Variants in ATXN7 observed in about 807,000 individuals in gnomAD.
The protein encoded by ATXN7 is ataxin 7, also known as ataxin-7.
A neutral mutation model predicts 70.5 loss-of-function variants in ATXN7; 12 were observed. The ratio of observed to expected loss-of-function variants is 0.17; its 90% CI spans 0.11 to 0.28. The LOEUF (loss-of-function observed/expected upper bound fraction) is 0.28. Ranked by LOEUF, ATXN7 falls within the 10% of genes least tolerant of loss-of-function variation. The pLI is 1.00. For missense variants in ATXN7, 1,256 were observed against 1,131.7 expected, an observed-to-expected ratio of 1.11 and a Z score of -1.58; for synonymous variants, 498 against 448.7, an observed-to-expected ratio of 1.11 and a Z score of -1.39.
Position 63,875,579 on chromosome 3 carries a change from C to T in ATXN7, c.-111+11421C>T, listed in dbSNP as rs183625061. Among the ~76,000 whole-genome samples the T allele has an allele frequency of 8.5e-5, 13 of 152,294 alleles. No individual in the cohort carries two copies. In the East Asian group the frequency reaches 2.5e-3, roughly 29 times the overall value. ...AGCTGATTTACCCCATCTCTTCTTG[C>T]CACAATTAGCTGGGTTTGAAGTACC... On this transcript the variant is annotated intron_variant, in intron 1 of 12. Coordinates refer to ENST00000674280, the MANE Select transcript of ATXN7 (RefSeq NM_001377405.1).
At chr3:63,944,871 A>C (rs1470402658) in intron 4 of ATXN7, among the ~76,000 whole-genome samples, 1 of 152,144 alleles carries the variant, frequency 6.6e-6, no homozygotes, top group Non-Finnish European at 1.5e-5. Flanking sequence ...AGCTCACTGC[A>C]ACCTTTGCCT....
intron 2 of ATXN7, among the ~76,000 whole-genome samples, chr3:63,908,892 C>T (rs1326819191): frequency 6.6e-6 from 1 of 152,120 alleles, no homozygotes; most frequent in East Asian, 1.9e-4. Flanking sequence ...TTAAATATGT[C>T]CTTGGAAGGG....
intron 4 of ATXN7, among the ~76,000 whole-genome samples, chr3:63,939,822 A>G (rs766285989): frequency 6.6e-6 from 1 of 152,142 alleles, no homozygotes; most frequent in Non-Finnish European, 1.5e-5. Flanking sequence ...AGGGGACAGA[A>G]TGGGTTTGGA....
chr3:63,977,593 G>C (rs2075409596), intron 5 of ATXN7, among the ~76,000 whole-genome samples: 1 of 152,124 alleles, frequency 6.6e-6, no homozygotes, highest in Non-Finnish European at 1.5e-5. Flanking sequence ...CTGTTTCACA[G>C]ATACTATTGT....
intron 1 of ATXN7, among the ~76,000 whole-genome samples, chr3:63,868,264 G>A (rs1417621652): frequency 6.6e-6 from 1 of 152,184 alleles, no homozygotes; most frequent in Non-Finnish European, 1.5e-5. Flanking sequence ...AGTCAAAATA[G>A]ACTTAAAATT....
At chr3:63,896,336 A>G (rs973356034) in intron 1 of ATXN7, among the ~76,000 whole-genome samples, 1 of 149,042 alleles carries the variant, frequency 6.7e-6, no homozygotes, top group African/African-American at 2.4e-5. Context: ...TAGTTGTTGC[A>G]TGAATAAAAG....
intron 4 of ATXN7, among the ~76,000 whole-genome samples, chr3:63,913,671 A>C (rs1047029059): frequency 1.3e-5 from 2 of 152,218 alleles, no homozygotes; most frequent in African/African-American, 4.8e-5. Context: ...TTTAAGGTAC[A>C]AGTTGGGGAT....
At chr3:63,974,236 C>T (rs1420706009) in intron 5 of ATXN7, among the ~76,000 whole-genome samples, 1 of 152,140 alleles carries the variant, frequency 6.6e-6, no homozygotes, top group African/African-American at 2.4e-5. Flanking sequence ...AAGATGAAAT[C>T]GAAAACAATC....
At chr3:63,977,955 C>T (rs528019069) in intron 5 of ATXN7, among the ~76,000 whole-genome samples, 3 of 152,280 alleles carry the variant, frequency 2.0e-5, no homozygotes, top group African/African-American at 7.2e-5. Context: ...ATTTGGAAAA[C>T]ACTAATTCAA....
chr3:63,874,417 C>T (rs1024010190), intron 1 of ATXN7, among the ~76,000 whole-genome samples: 7 of 152,178 alleles, frequency 4.6e-5, no homozygotes, highest in African/African-American at 1.7e-4. Context: ...ATTTATTTGG[C>T]CTTTGTAAGT....
At chr3:63,885,416 G>C (rs1703058561) in intron 1 of ATXN7, among the ~76,000 whole-genome samples, 1 of 152,116 alleles carries the variant, frequency 6.6e-6, no homozygotes, top group African/African-American at 2.4e-5. Context: ...CTGTTAGAAT[G>C]GCTATTCAAA....
chr3:63,965,988 T>G (rs2075215667), intron 5 of ATXN7, among the ~76,000 whole-genome samples: 1 of 152,234 alleles, frequency 6.6e-6, no homozygotes, highest in Non-Finnish European at 1.5e-5. Context: ...GACGTTTGTT[T>G]GTAGCATTTA....
intron 1 of ATXN7, among the ~76,000 whole-genome samples, chr3:63,879,402 A>T (rs533927277): frequency 6.6e-6 from 1 of 152,098 alleles, no homozygotes; most frequent in Non-Finnish European, 1.5e-5. Context: ...ACTTTTAATG[A>T]CACATTGCTG....
intron 4 of ATXN7, among the ~76,000 whole-genome samples, chr3:63,942,418 C>T (rs960502913): frequency 1.3e-5 from 2 of 152,180 alleles, no homozygotes; most frequent in African/African-American, 2.4e-5. Flanking sequence ...ACAGGAGGCA[C>T]TCCATAATTG....
intron 1 of ATXN7, among the ~76,000 whole-genome samples, chr3:63,890,623 CTT>C (rs72377204): frequency 0.023 from 3,542 of 152,228 alleles, 128 homozygotes; most frequent in African/African-American, 0.08. Flanking sequence ...ATATAAAAGA[CTT>C]AATATAATGC....
At chr3:63,886,159 A>G (rs1288710391) in intron 1 of ATXN7, among the ~76,000 whole-genome samples, 1 of 152,192 alleles carries the variant, frequency 6.6e-6, no homozygotes, top group Non-Finnish European at 1.5e-5. Context: ...CAGAAAGACA[A>G]ATACTGCAGG....
intron 6 of ATXN7, 152 bp from the exon 7 acceptor site, chr3:63,982,034 T>A: frequency 9.8e-7 from 1 of 1,021,348 alleles, no homozygotes; most frequent in African/African-American, 1.6e-5. Flanking sequence ...GTATGAACCT[T>A]ACTAACAAAA....
intron 5 of ATXN7, among the ~76,000 whole-genome samples, chr3:63,958,460 GACA>G (rs935471271): frequency 3.9e-5 from 6 of 152,064 alleles, no homozygotes; most frequent in Non-Finnish European, 7.4e-5. Context: ...TCTCATTGTT[GACA>G]ACATTTCTCA....
chr3:63,972,466 T>C (rs1429980788), intron 5 of ATXN7, among the ~76,000 whole-genome samples: 1 of 152,152 alleles, frequency 6.6e-6, no homozygotes, highest in Non-Finnish European at 1.5e-5. Flanking sequence ...CTTAACTGAG[T>C]CTATCTGAAA....
Sources: allele counts gnomAD v4.1 joint callset (sites outside exome capture counted in the v4.1 genomes callset), GRCh38; gene constraint gnomAD v4.1.1; transcripts MANE v1.5; gene names NCBI Gene and HGNC (gene_info 2026-07-23, HGNC 2026-07-21).